NPAS3: variants seen among roughly 807,000 people sequenced by gnomAD.
NPAS3 encodes the protein neuronal PAS domain-containing protein 3.
In NPAS3, 14 loss-of-function variants were observed where a neutral mutation model predicts 73.1. The observed-to-expected ratio is 0.19, with a 90% CI of 0.13 to 0.30. The LOEUF (loss-of-function observed/expected upper bound fraction) is 0.30. NPAS3 is among the 10% of genes least tolerant of loss of function. The pLI, the probability that NPAS3 is intolerant of heterozygous loss-of-function variation, is 1.00. For missense variants in NPAS3, 1,096 were observed against 1,250.0 expected (o/e 0.88, Z 1.86); for synonymous variants, 620 against 541.5 (o/e 1.14, Z -2.01).
intron 1 of NPAS3, among the ~76,000 whole-genome samples, chr14:32,942,999 A>G (rs185991548): frequency 1.3e-5 from 2 of 152,336 alleles, no homozygotes; most frequent in African/African-American, 4.8e-5. Flanking sequence ...GCCAGGAGTT[A>G]TAATGACCTT....
At chr14:33,782,096 C>A (rs1056244795) in intron 9 of NPAS3, among the ~76,000 whole-genome samples, 1 of 152,230 alleles carries the variant, frequency 6.6e-6, no homozygotes, top group Non-Finnish European at 1.5e-5. Flanking sequence ...AGGGCCCCTT[C>A]TTTCACACTG....
chr14:33,239,234 G>A (rs1195666713), intron 3 of NPAS3, among the ~76,000 whole-genome samples: 2 of 151,650 alleles, frequency 1.3e-5, no homozygotes, highest in Non-Finnish European at 3.0e-5. Flanking sequence ...GAGTTTCAGG[G>A]GAAAAAGGGA....
intron 6 of NPAS3, among the ~76,000 whole-genome samples, chr14:33,694,540 G>A (rs1270218078): frequency 3.3e-5 from 5 of 152,142 alleles, no homozygotes; most frequent in Middle Eastern, 3.2e-3. Flanking sequence ...TTTATAAAAT[G>A]TATAGAATGT....
At chr14:33,005,245 G>T (rs1490516820) in intron 1 of NPAS3, among the ~76,000 whole-genome samples, 1 of 152,162 alleles carries the variant, frequency 6.6e-6, no homozygotes, top group Non-Finnish European at 1.5e-5. Flanking sequence ...CCACAAACAT[G>T]TGAGTAACAT....
chr14:33,099,284 G>A (rs1289382134), intron 2 of NPAS3, among the ~76,000 whole-genome samples: 2 of 152,196 alleles, frequency 1.3e-5, no homozygotes, highest in East Asian at 3.9e-4. Context: ...CTAAATTTGA[G>A]GACATAGATT....
chr14:33,324,084 G>A (rs565918379), intron 3 of NPAS3, among the ~76,000 whole-genome samples: 283 of 152,334 alleles, frequency 1.9e-3, no homozygotes, highest in Non-Finnish European at 2.5e-3. Flanking sequence ...GACAGTGACC[G>A]CAGGCACCTG....
At chr14:33,092,139 A>G (rs10467706) in intron 2 of NPAS3, among the ~76,000 whole-genome samples, 3 of 152,140 alleles carry the variant, frequency 2.0e-5, no homozygotes, top group South Asian at 2.1e-4. Context: ...GGCAGGAGAA[A>G]GAAATAAAGG....
At chr14:33,312,543 C>T (rs1403083311) in intron 3 of NPAS3, among the ~76,000 whole-genome samples, 3 of 152,018 alleles carry the variant, frequency 2.0e-5, no homozygotes, top group African/African-American at 7.2e-5. Flanking sequence ...ATTGGGTTGT[C>T]ATTTATGCTG....
intron 3 of NPAS3, among the ~76,000 whole-genome samples, chr14:33,337,986 G>GT (rs753578346): frequency 3.2e-4 from 47 of 149,162 alleles, no homozygotes; most frequent in Non-Finnish European, 4.8e-4. Context: ...GATTTCTTAG[G>GT]TTTTTTTTAA....
chr14:33,428,431 T>C (rs1465754714), intron 4 of NPAS3, among the ~76,000 whole-genome samples: 1 of 152,122 alleles, frequency 6.6e-6, no homozygotes, highest in East Asian at 1.9e-4. Flanking sequence ...TGCCTACAGA[T>C]TTGTTTATAG....
chr14:33,007,804 A>G (rs2039049514), intron 1 of NPAS3, among the ~76,000 whole-genome samples: 1 of 152,244 alleles, frequency 6.6e-6, no homozygotes, highest in African/African-American at 2.4e-5. Flanking sequence ...GGTCTCTGTC[A>G]CAACCATTCA....
At chr14:33,341,591 A>G (rs1168796602) in intron 3 of NPAS3, among the ~76,000 whole-genome samples, 3 of 152,128 alleles carry the variant, frequency 2.0e-5, no homozygotes, top group Non-Finnish European at 2.9e-5. Flanking sequence ...CGATCTGGGT[A>G]TAAATGGGAA....
intron 2 of NPAS3, among the ~76,000 whole-genome samples, chr14:33,189,380 T>C (rs1240697796): frequency 2.0e-5 from 3 of 152,222 alleles, no homozygotes; most frequent in African/African-American, 7.2e-5. Flanking sequence ...TCATGCATTG[T>C]GTACTAAGCA....
At chr14:33,464,931 C>G (rs1422472108) in intron 4 of NPAS3, among the ~76,000 whole-genome samples, 1 of 152,168 alleles carries the variant, frequency 6.6e-6, no homozygotes, top group Non-Finnish European at 1.5e-5. Context: ...TTAATGTTAG[C>G]TGTTGTTATC....
chr14:33,137,517 A>G (rs2043882985), intron 2 of NPAS3, among the ~76,000 whole-genome samples: 1 of 152,224 alleles, frequency 6.6e-6, no homozygotes, highest in African/African-American at 2.4e-5. Context: ...ATTTTAATTG[A>G]AGTACAAATT....
intron 4 of NPAS3, among the ~76,000 whole-genome samples, chr14:33,492,511 C>T (rs1367019391): frequency 6.6e-6 from 1 of 152,148 alleles, no homozygotes; most frequent in Non-Finnish European, 1.5e-5. Flanking sequence ...TGCTCTTTCT[C>T]CTACCCAGGA....
intron 3 of NPAS3, among the ~76,000 whole-genome samples, chr14:33,282,682 T>C (rs1348777180): frequency 6.6e-6 from 1 of 152,186 alleles, no homozygotes; most frequent in Non-Finnish European, 1.5e-5. Context: ...GAAATTGGAC[T>C]AATTGTCTTT....
rs534771489 is a variant in NPAS3 at position 33,252,650 on chromosome 14, T to A, written c.385+37224T>A. Among the ~76,000 whole-genome samples, 29 of 151,928 alleles carry A rather than the reference T, an allele frequency of 1.9e-4. No homozygotes were observed. The South Asian group carries it at 3.7e-3, about 20-fold the overall frequency. On this transcript the variant is annotated intron_variant, in intron 3 of 11. Coordinates refer to ENST00000356141, the Ensembl canonical transcript of NPAS3. ...TGAAAATAGTTATCTATTTTTTTTT[T>A]AATTTCAGATTCAGGGGGTATATGT...
At chr14:33,156,537 C>T (rs1451412569) in intron 2 of NPAS3, among the ~76,000 whole-genome samples, 2 of 152,106 alleles carry the variant, frequency 1.3e-5, no homozygotes, top group African/African-American at 4.8e-5. Context: ...TAATTATTTA[C>T]AAGAATATAA....
Sources: allele counts gnomAD v4.1 joint callset (sites outside exome capture counted in the v4.1 genomes callset), GRCh38; gene constraint gnomAD v4.1.1; transcripts MANE v1.5; gene names NCBI Gene and HGNC (gene_info 2026-07-23, HGNC 2026-07-21).